TOP1MT: variants seen among roughly 807,000 people sequenced by gnomAD.
TOP1MT encodes DNA topoisomerase I, mitochondrial.
In TOP1MT, 80 loss-of-function variants were observed where a neutral mutation model predicts 73.9. The observed-to-expected ratio is 1.08, with a 90% CI of 0.90 to 1.30. The LOEUF (loss-of-function observed/expected upper bound fraction) is 1.30, where lower values mean the gene tolerates loss of function less well. TOP1MT is among the 50% of genes most tolerant of loss of function. The pLI is 0.00. For missense variants in TOP1MT, 815 were observed against 808.0 expected (o/e 1.01, Z -0.10); for synonymous variants, 338 against 326.4 (o/e 1.04, Z -0.38).
At chr8:143,323,543 ACCACACACGCACG>A (rs1383215978) in intron 7 of TOP1MT, among the ~76,000 whole-genome samples, 1 of 97,770 alleles carries the variant, frequency 1.0e-5, no homozygotes, top group Non-Finnish European at 2.0e-5. Context: ...ACACATGCTC[ACCACACACGCACG>A]CCACACACAT....
chr8:143,313,450 T>C (rs1435531376), intron 12 of TOP1MT, among the ~76,000 whole-genome samples: 1 of 149,412 alleles, frequency 6.7e-6, no homozygotes, highest in East Asian at 2.0e-4. Flanking sequence ...CTCGGGAGGC[T>C]GAGGCAGGAG....
intron 13 of TOP1MT, 87 bp downstream of exon 13, chr8:143,309,981 G>C (rs1815962229): frequency 6.3e-7 from 1 of 1,597,374 alleles, no homozygotes. Context: ...CGGGACAAGG[G>C]CAATGCTGGG....
intron 3 of TOP1MT, chr8:143,327,215 TG>T (rs1439900099): frequency 6.6e-6 from 1 of 152,044 alleles, no homozygotes; most frequent in East Asian, 1.9e-4. Flanking sequence ...AAATGCTAAG[TG>T]GGGAAAACAT....
chr8:143,315,851 C>T (rs780627828), intron 11 of TOP1MT, 30 bp from the exon 12 acceptor site: 42 of 1,609,178 alleles, frequency 2.6e-5, no homozygotes, highest in Admixed American at 6.7e-5. Context: ...ACAGGGCTGC[C>T]CCTCCCCATC....
Position 143,326,291 on chromosome 8 carries a change from G to A in TOP1MT, c.414C>T (p.Phe138=). The A allele has an allele frequency of 2.5e-6, 4 of 1,614,010 alleles. No homozygotes were observed. The highest frequency in any genetic ancestry group is 1.1e-5 in the South Asian group (1 of 91,084). The change falls in exon 4 of 14, where the codon TTC becomes TTT. Residue 138 remains phenylalanine, a synonymous_variant. Transcript: ENST00000329245. ...CCACAAAGTATCTGTGGATCTCCGT[G>A]AAGTCACACTTGTCCAGGCTCTTGA... ...EVIKSLDKCD[F]TEIHRYFVDK... is the part of the protein sequence containing the mutation.
At chr8:143,309,879 T>A in intron 13 of TOP1MT, 189 bp downstream of exon 13, 2 of 1,547,644 alleles carry the variant, frequency 1.3e-6, no homozygotes, top group Non-Finnish European at 1.7e-6. Context: ...ACCCTGTCCA[T>A]CCGAACGTTC....
intron 7 of TOP1MT, among the ~76,000 whole-genome samples, chr8:143,322,579 CATGCACGCCACACACATGCAG>C (rs1816489316): frequency 5.2e-4 from 72 of 137,538 alleles, no homozygotes; most frequent in African/African-American, 2.0e-3. Context: ...ACGCCACACA[CATGCACGCCACACACATGCAG>C]GCCACACACA....
Position 143,329,226 on chromosome 8 carries a change from C to G in TOP1MT, c.360+124G>C. 3 of 1,106,598 alleles carry G rather than the reference C, an allele frequency of 2.7e-6. No homozygotes were observed. In the South Asian group the frequency reaches 4.9e-5, roughly 18 times the overall value. 68.5% of individuals were successfully genotyped at this position (1,106,598 alleles called of 1,614,324 possible). On this transcript the variant is annotated intron_variant, in intron 3 of 13. Coordinates refer to ENST00000329245, the MANE Select transcript of TOP1MT (RefSeq NM_052963.3). Reference sequence around the variant, plus strand: ...AAGCTGCAAAGAGCCATGACGGCACCTGTGAGTGGTCACACAGGGGCCACC... The same window carrying G: ...AAGCTGCAAAGAGCCATGACGGCACGTGTGAGTGGTCACACAGGGGCCACC...
chr8:143,332,315 G>T (rs969326095), intron 1 of TOP1MT, among the ~76,000 whole-genome samples: 3 of 152,206 alleles, frequency 2.0e-5, no homozygotes, highest in African/African-American at 7.2e-5. Context: ...CGGTCAGCAG[G>T]GCTGCGGGAA....
chr8:143,319,065 G>A (rs1198512717), intron 8 of TOP1MT, among the ~76,000 whole-genome samples: 1 of 152,108 alleles, frequency 6.6e-6, no homozygotes, highest in African/African-American at 2.4e-5. Context: ...ACCACGGCAG[G>A]GGCACTGTGG....
At chr8:143,359,269 G>A (rs1457295353), upstream of TOP1MT, 7 of 985,060 alleles carry the variant, frequency 7.1e-6, no homozygotes, top group Non-Finnish European at 8.4e-6. Flanking sequence ...CAAACCTGAG[G>A]TGTTACAAGG....
intron 6 of TOP1MT, 56 bp from the exon 7 acceptor site, chr8:143,324,198 G>A (rs1307131803): frequency 1.3e-6 from 2 of 1,598,590 alleles, no homozygotes; most frequent in Non-Finnish European, 1.7e-6. Context: ...AAATAACGGA[G>A]GAGGCTGTCA....
At chr8:143,327,081 A>C (rs915760978) in intron 3 of TOP1MT, among the ~76,000 whole-genome samples, 1 of 152,214 alleles carries the variant, frequency 6.6e-6, no homozygotes, top group African/African-American at 2.4e-5. Flanking sequence ...TCACAGCCCA[A>C]TCAGCTCCTA....
In TOP1MT at chr8:143,310,711, T is replaced by G. The variant is rs553327697; in HGVS notation, c.1554-494A>C. On this transcript the variant is annotated intron_variant, in intron 12 of 13. Coordinates refer to ENST00000329245, the MANE Select transcript of TOP1MT (RefSeq NM_052963.3). ...TCTGACCCCAACTCTTCTAGGAATT[T>G]GTGCCACAAACACTCGAATGTGCGT... Among the ~76,000 whole-genome samples the G allele has an allele frequency of 3.9e-5, 6 of 152,352 alleles. No individual in the cohort carries two copies. In the South Asian group the frequency reaches 1.2e-3, roughly 32 times the overall value.
At chr8:143,321,172 G>C in intron 8 of TOP1MT, 29 bp downstream of exon 8, 4 of 1,542,854 alleles carry the variant, frequency 2.6e-6, no homozygotes, top group Non-Finnish European at 3.5e-6. Flanking sequence ...GTGTCACATA[G>C]CGGGGGCAGC....
intron 8 of TOP1MT, among the ~76,000 whole-genome samples, chr8:143,319,473 G>C (rs1816269082): frequency 6.6e-6 from 1 of 151,948 alleles, no homozygotes; most frequent in Non-Finnish European, 1.5e-5. Flanking sequence ...TCACATTTGT[G>C]CTTTTGAGGT....
At chr8:143,328,316 C>G (rs1469155208) in intron 3 of TOP1MT, 6 of 451,092 alleles carry the variant, frequency 1.3e-5, no homozygotes, top group Admixed American at 1.2e-4. Context: ...GGCAAAGAAC[C>G]TGCACCCAGG....
chr8:143,326,458 T>C (rs552806977), intron 3 of TOP1MT, 114 bp from the exon 4 acceptor site: 1 of 1,431,796 alleles, frequency 7.0e-7, no homozygotes, highest in African/African-American at 1.4e-5. Context: ...CGGAGGCGTG[T>C]GTGCAATAGG....
rs2450775 is a variant in TOP1MT at position 143,334,731 on chromosome 8, A to C, written c.122+9T>G. 0.11 allele frequency: 181,352 copies of C among 1,599,184 alleles called. 19,277 individuals carry two copies. Among genetic ancestry groups the C allele is most frequent in the African/African-American group, 0.58 (42,207 of 72,200 alleles). On this transcript the variant is annotated intron_variant, in intron 1 of 13. Coordinates refer to ENST00000329245, the MANE Select transcript of TOP1MT (RefSeq NM_052963.3). The stretch of plus-strand genomic sequence containing the variant: ...GGGCCCTCGCCGCCTGCTCACTGGG[A>C]CACCTTACCTGGCTCCACTGCCCTT...
Sources: allele counts gnomAD v4.1 joint callset (sites outside exome capture counted in the v4.1 genomes callset), GRCh38; gene constraint gnomAD v4.1.1; transcripts MANE v1.5; gene names NCBI Gene and HGNC (gene_info 2026-07-23, HGNC 2026-07-21).